SLC38A1: variants seen among roughly 807,000 people sequenced by gnomAD.
SLC38A1 encodes sodium-coupled neutral amino acid symporter 1.
SLC38A1 carries 18 observed loss-of-function variants against 60.3 expected under a neutral mutation model. The ratio of observed to expected loss-of-function variants is 0.30; its 90% CI spans 0.21 to 0.44. SLC38A1 has a LOEUF of 0.44. SLC38A1 is among the 20% of genes least tolerant of loss of function. SLC38A1 has a pLI of 1.00. For synonymous variants in SLC38A1, 196 were observed against 212.1 expected (o/e 0.92, Z 0.66); for missense variants, 448 against 587.2 (o/e 0.76, Z 2.45).
intron 3 of SLC38A1, among the ~76,000 whole-genome samples, chr12:46,237,286 G>A (rs925082542): frequency 1.9e-4 from 29 of 152,272 alleles, no homozygotes; most frequent in African/African-American, 6.7e-4. Context: ...GGGGTATTTA[G>A]GTGTAGTTTT....
At chr12:46,232,351 G>T (rs1941109344) in intron 3 of SLC38A1, among the ~76,000 whole-genome samples, 2 of 152,330 alleles carry the variant, frequency 1.3e-5, no homozygotes, top group South Asian at 2.1e-4. Flanking sequence ...ACTGGGATTA[G>T]CCAGAGGAAA....
rs1295898634 is a variant in SLC38A1 at position 46,188,450 on chromosome 12, T to G, written c.*520A>C. 1 of 152,952 alleles carries G rather than the reference T, an allele frequency of 6.5e-6. No homozygotes were observed. Among genetic ancestry groups the G allele is most frequent in the African/African-American group, 2.4e-5 (1 of 41,458 alleles). 9.5% of individuals were successfully genotyped at this position (152,952 alleles called of 1,614,324 possible). ...GTGGCAGTGCCCTATAACTTTCAGA[T>G]GATTATCTCCATGTGCTATGTTAAC... On this transcript the variant is annotated 3_prime_UTR_variant, in exon 17 of 17. Coordinates refer to ENST00000398637, the MANE Select transcript of SLC38A1 (RefSeq NM_030674.4).
In SLC38A1 at chr12:46,198,730, G is replaced by A. The variant is rs138242331; in HGVS notation, c.1017C>T (p.Ser339=). 1.6e-4 allele frequency: 258 copies of A among 1,607,420 alleles called. 1 individual carries two copies. The East Asian group carries it at 5.4e-3, about 33-fold the overall frequency. ...GYLTFYDNVQ[S]DLLHKYQSKD... ...TACTCTGATATTTGTGAAGGAGGTC[G>A]GACTGCACGTTGTCTAAAATGAGGG... Residue 339 remains serine (S), a synonymous_variant, in exon 14 of 17, where the codon TCC becomes TCT. Coordinates refer to ENST00000398637, the MANE Select transcript of SLC38A1 (RefSeq NM_030674.4).
intron 1 of SLC38A1, chr12:46,255,003 T>C (rs1941974504): frequency 6.6e-6 from 1 of 152,214 alleles, no homozygotes; most frequent in Non-Finnish European, 1.5e-5. Context: ...TAGTCTTCCA[T>C]TGTTTCGGTT....
chr12:46,209,076 T>C lies in SLC38A1; in HGVS notation c.366A>G (p.Leu122=), dbSNP rs1416384476. The stretch of plus-strand genomic sequence containing the variant: ...TACCTGTTTCTTTTGAACAGATCAA[T>C]AGGAGGTTTATTGAATATATAGACA... The part of the protein sequence containing the change: ...TLLSIYSINL[L]LICSKETGCM... The change falls in exon 6 of 17, where the codon CTA becomes CTG. Residue 122 remains leucine (L), a synonymous_variant. Coordinates refer to ENST00000398637, the MANE Select transcript of SLC38A1 (RefSeq NM_030674.4). 7 of 1,611,882 alleles carry C rather than the reference T, an allele frequency of 4.3e-6. No homozygotes were observed. The highest frequency in any genetic ancestry group is 1.1e-5 in the South Asian group (1 of 90,716).
intron 3 of SLC38A1, among the ~76,000 whole-genome samples, chr12:46,238,476 C>A (rs964020569): frequency 1.3e-5 from 2 of 152,132 alleles, no homozygotes; most frequent in African/African-American, 4.8e-5. Context: ...ACATAATGTT[C>A]TTATCCTCTT....
At chr12:46,203,924 G>A (rs1223551643) in intron 11 of SLC38A1, among the ~76,000 whole-genome samples, 3 of 152,200 alleles carry the variant, frequency 2.0e-5, no homozygotes, top group Admixed American at 6.5e-5. Flanking sequence ...TTAAGTGCCA[G>A]TTTGTGGTGG....
intron 16 of SLC38A1, among the ~76,000 whole-genome samples, chr12:46,189,323 G>A (rs1346830008): frequency 6.6e-6 from 1 of 151,590 alleles, no homozygotes; most frequent in African/African-American, 2.4e-5. Context: ...TTGACTTCAT[G>A]GTCACCTCAA....
intron 5 of SLC38A1, among the ~76,000 whole-genome samples, chr12:46,220,171 T>G (rs1054924276): frequency 1.3e-5 from 2 of 152,226 alleles, no homozygotes; most frequent in African/African-American, 4.8e-5. Context: ...CCCATTTCCC[T>G]ATTTCTGAAA....
chr12:46,230,251 G>C (rs1473947201), intron 3 of SLC38A1, among the ~76,000 whole-genome samples: 3 of 152,164 alleles, frequency 2.0e-5, no homozygotes, highest in Non-Finnish European at 4.4e-5. Flanking sequence ...CAAGTCACTG[G>C]AACAGGCACT....
chr12:46,231,141 CTT>C (rs1241888877), intron 3 of SLC38A1, among the ~76,000 whole-genome samples: 1 of 152,014 alleles, frequency 6.6e-6, no homozygotes, highest in African/African-American at 2.4e-5. Context: ...AAAATCATGT[CTT>C]TTGCAGCAAC....
intron 3 of SLC38A1, among the ~76,000 whole-genome samples, chr12:46,234,522 A>G (rs1342644609): frequency 1.4e-5 from 2 of 145,446 alleles, no homozygotes; most frequent in African/African-American, 5.2e-5. Flanking sequence ...ATCTCGGCTC[A>G]CTGCAAGCTC....
intron 16 of SLC38A1, among the ~76,000 whole-genome samples, chr12:46,194,568 C>A (rs1939283899): frequency 6.6e-6 from 1 of 152,324 alleles, no homozygotes; most frequent in East Asian, 1.9e-4. Context: ...TTCAGGAACA[C>A]CAGTCAAACG....
At chr12:46,252,979 A>T (rs559736695) in intron 1 of SLC38A1, among the ~76,000 whole-genome samples, 2 of 149,266 alleles carry the variant, frequency 1.3e-5, no homozygotes, top group South Asian at 4.4e-4. Flanking sequence ...TCTCATGTAT[A>T]CATGGTATCT....
At chr12:46,220,028 A>G (rs1195056613) in intron 5 of SLC38A1, among the ~76,000 whole-genome samples, 1 of 152,256 alleles carries the variant, frequency 6.6e-6, no homozygotes, top group African/African-American at 2.4e-5. Flanking sequence ...TATCAGATGC[A>G]TCACAGACGA....
At chr12:46,246,518 G>C (rs1941624832) in intron 1 of SLC38A1, among the ~76,000 whole-genome samples, 1 of 152,254 alleles carries the variant, frequency 6.6e-6, no homozygotes, top group Non-Finnish European at 1.5e-5. Flanking sequence ...CTCGAACTGG[G>C]TGGAGCCCAC....
Position 46,268,986 on chromosome 12 carries a change from C to G in SLC38A1, c.-669G>C. The G allele has an allele frequency of 2.5e-6, 1 of 392,774 alleles. No individual in the cohort carries two copies. Among genetic ancestry groups the G allele is most frequent in the South Asian group, 1.8e-5 (1 of 55,752 alleles). The allele number at this position is 392,774 out of a possible 1,614,324, so 24.3% of individuals were successfully genotyped here. A position where few individuals can be genotyped will look rare whatever the true frequency, so the allele number is the denominator to read the frequency against. On this transcript the variant is annotated 5_prime_UTR_variant, in exon 1 of 17. Coordinates refer to ENST00000398637, the MANE Select transcript of SLC38A1 (RefSeq NM_030674.4). This position sits in a 1 kb window ranked among gnomAD's most constrained non-coding sequence, Gnocchi z 4.4. ...GCGGACAGGCCATTCCTCCCCGTCC[C>G]GCGCGCGGTCTCCTCCCCTCCTGTG...
chr12:46,225,426 G>A (rs1940824551), intron 5 of SLC38A1, among the ~76,000 whole-genome samples: 1 of 152,160 alleles, frequency 6.6e-6, no homozygotes, highest in Non-Finnish European at 1.5e-5. Flanking sequence ...GGCACAATTT[G>A]TGGGCAAGAG....
At chr12:46,209,148 C>A (rs1940039196) in intron 5 of SLC38A1, 21 bp from the exon 6 acceptor site, 1 of 1,494,178 alleles carries the variant, frequency 6.7e-7, no homozygotes, top group Non-Finnish European at 9.3e-7. Flanking sequence ...GAAAATAAAT[C>A]TTATTGTAAT....
Sources: gnomAD v4.1 joint callset for allele counts (sites outside exome capture counted in the v4.1 genomes callset) on GRCh38, gnomAD v4.1.1 for gene constraint, Gnocchi (gnomAD v3.1) non-coding constraint, MANE v1.5 for transcripts, NCBI Gene and HGNC (gene_info 2026-07-23, HGNC 2026-07-21) for gene names.